PHLPP2: variants seen among roughly 807,000 people sequenced by gnomAD.
PHLPP2 encodes PH domain leucine-rich repeat-containing protein phosphatase 2.
A neutral mutation model predicts 124.9 loss-of-function variants in PHLPP2; 66 were observed. The ratio of observed to expected loss-of-function variants is 0.53; its 90% confidence interval spans 0.43 to 0.65. The LOEUF is 0.65. Among genes scored for constraint, PHLPP2 ranks in the 30% least tolerant of loss-of-function variants. The pLI is 0.00. For missense variants in PHLPP2, 1,685 were observed against 1,600.4 expected (o/e 1.05, Z -0.90); for synonymous variants, 681 against 624.7 (o/e 1.09, Z -1.34).
At chr16:71,667,632 T>G (rs2145322627) in intron 11 of PHLPP2, among the ~76,000 whole-genome samples, 1 of 152,368 alleles carries the variant, frequency 6.6e-6, no homozygotes, top group Non-Finnish European at 1.5e-5. Context: ...ATTTTAAGTC[T>G]AAGCAGCACC....
intron 1 of PHLPP2, among the ~76,000 whole-genome samples, chr16:71,717,881 G>C (rs948915330): frequency 8.5e-5 from 13 of 152,106 alleles, no homozygotes; most frequent in African/African-American, 3.1e-4. Flanking sequence ...GAAAAGTCAA[G>C]GAAGACTCCA....
chr16:71,665,624 T>C (rs941877279), intron 12 of PHLPP2, among the ~76,000 whole-genome samples: 1 of 152,222 alleles, frequency 6.6e-6, no homozygotes, highest in East Asian at 1.9e-4. Flanking sequence ...AGGTACTGTG[T>C]GTCTGCTTGT....
intron 2 of PHLPP2, 67 bp from the exon 3 acceptor site, chr16:71,702,798 A>G: frequency 1.6e-6 from 1 of 641,274 alleles, no homozygotes. Flanking sequence ...TTAATTTTTT[A>G]GTATTTTTAT....
At chr16:71,703,964 A>C (rs1293909507) in intron 2 of PHLPP2, among the ~76,000 whole-genome samples, 1 of 152,202 alleles carries the variant, frequency 6.6e-6, no homozygotes, top group African/African-American at 2.4e-5. Flanking sequence ...CAAGCACAGG[A>C]AAGTCCGTAT....
rs77731680 is a variant in PHLPP2, at chr16:71,683,649, C to T, written c.735+827G>A. On this transcript the variant is annotated intron_variant, in intron 5 of 18. Coordinates refer to ENST00000568954, the MANE Select transcript of PHLPP2 (RefSeq NM_015020.3). ...ATGCACCTGCAAACATTTTTGACAGCATTTTGTACTATGCACATATAAATA... is the reference window on the plus strand; with the variant it reads ...ATGCACCTGCAAACATTTTTGACAGTATTTTGTACTATGCACATATAAATA... Among the ~76,000 whole-genome samples the T allele has an allele frequency of 4.3e-3, 653 of 152,242 alleles. 10 individuals are homozygous for T. The highest frequency in any genetic ancestry group is 0.015 in the African/African-American group (633 of 41,538).
At chr16:71,706,625 T>A (rs2045276181) in intron 2 of PHLPP2, among the ~76,000 whole-genome samples, 1 of 152,142 alleles carries the variant, frequency 6.6e-6, no homozygotes, top group Non-Finnish European at 1.5e-5. Context: ...TCAACAAATG[T>A]TTATTTCATA....
At position 71,714,720 on chromosome 16, in the gene PHLPP2, C is replaced by A; in HGVS notation, c.76G>T (p.Glu26Ter). 1 of 1,614,194 alleles carries A rather than the reference C, an allele frequency of 6.2e-7. No individual in the cohort carries two copies. The highest frequency in any genetic ancestry group is 8.5e-7 in the Non-Finnish European group (1 of 1,180,018). ...FGSRERDWLR[E>*]DVKRGCVYLY... ...TAAACACAGCCTCTCTTTACATCTTCTCTTAGCCAGTCTCTTTCTCGAGAA... is the reference window on the plus strand; with the variant it reads ...TAAACACAGCCTCTCTTTACATCTTATCTTAGCCAGTCTCTTTCTCGAGAA... Residue 26 changes from glutamate to a stop codon, truncating the protein, a stop_gained, in exon 2 of 19, where the codon GAA (glutamate) becomes TAA (stop). Transcript: ENST00000568954. LOFTEE classifies it high-confidence loss of function.
At position 71,648,083 on chromosome 16, in the gene PHLPP2, A is replaced by G. The variant is rs1401069742; in HGVS notation, c.*807T>C. On this transcript the variant is annotated 3_prime_UTR_variant, in exon 19 of 19. Transcript: ENST00000568954. ...TACATTTCCAACAGACATCATTTTG[A>G]TAGGCTGTATTCTCGTAGAGAAGAA... The G allele has an allele frequency of 6.5e-6, 1 of 152,702 alleles. No individual in the cohort carries two copies. Among genetic ancestry groups the G allele is most frequent in the Non-Finnish European group, 1.5e-5 (1 of 68,056 alleles). The allele number at this position is 152,702 out of a possible 1,614,324, so 9.5% of individuals were successfully genotyped here. A position where few individuals can be genotyped will look rare whatever the true frequency, so the allele number is the denominator to read the frequency against.
chr16:71,695,280 T>C, intron 3 of PHLPP2, among the ~76,000 whole-genome samples: 1 of 152,088 alleles, frequency 6.6e-6, no homozygotes, highest in East Asian at 1.9e-4. Flanking sequence ...GGAATACAGG[T>C]GCATAAAGAG....
chr16:71,656,033 G>A (rs1265006624), intron 16 of PHLPP2, among the ~76,000 whole-genome samples: 1 of 152,138 alleles, frequency 6.6e-6, no homozygotes, highest in Non-Finnish European at 1.5e-5. Flanking sequence ...CTTTGTCAAG[G>A]CCTATCAGTC....
At chr16:71,663,340 C>T (rs890233588) in intron 13 of PHLPP2, among the ~76,000 whole-genome samples, 2 of 152,154 alleles carry the variant, frequency 1.3e-5, no homozygotes, top group African/African-American at 4.8e-5. Flanking sequence ...CTCGAACTCA[C>T]GAACTTGTGA....
chr16:71,692,411 ATTAGGTATCACTTTGCCTATTTAAC>A (rs1469507809), intron 3 of PHLPP2, among the ~76,000 whole-genome samples: 6 of 152,040 alleles, frequency 3.9e-5, no homozygotes, highest in East Asian at 1.9e-4. Flanking sequence ...GCCTATTTAA[ATTAGGTATCACTTTGCCTATTTAAC>A]TTAGGTATCA....
In PHLPP2 at chr16:71,655,398, T is replaced by C; in HGVS notation, c.2427A>G (p.Ala809=). 1.2e-6 allele frequency: 2 copies of C among 1,613,972 alleles called. No homozygotes were observed. Among genetic ancestry groups the C allele is most frequent in the Non-Finnish European group, 1.7e-6 (2 of 1,179,970 alleles). ...TGCCATACACAGCTCCCACCCCCTC[T>C]GCAAAGCTATCCATAGCAAGTGCTG... ...CVSALAMDSF[A]EGVGAVYGMF... The change falls in exon 17 of 19, where the codon GCA becomes GCG. Residue 809 remains alanine (A), a synonymous_variant. Coordinates refer to ENST00000568954, the MANE Select transcript of PHLPP2 (RefSeq NM_015020.3).
At chr16:71,693,185 G>A (rs2045132838) in intron 3 of PHLPP2, among the ~76,000 whole-genome samples, 1 of 152,196 alleles carries the variant, frequency 6.6e-6, no homozygotes, top group South Asian at 2.1e-4. Flanking sequence ...TACTCAGGAG[G>A]CTGAGGCAGG....
intron 2 of PHLPP2, among the ~76,000 whole-genome samples, chr16:71,713,301 C>T (rs1004785348): frequency 2.0e-5 from 3 of 152,020 alleles, no homozygotes; most frequent in Non-Finnish European, 4.4e-5. Flanking sequence ...TGTGTATGTG[C>T]CTCTATTTAT....
intron 3 of PHLPP2, among the ~76,000 whole-genome samples, chr16:71,692,150 A>G (rs2045120087): frequency 6.6e-6 from 1 of 151,662 alleles, no homozygotes; most frequent in Non-Finnish European, 1.5e-5. Context: ...GCTCACTGCG[A>G]GCCCCGCCTC....
At chr16:71,663,657 T>C (rs1361218561) in intron 13 of PHLPP2, among the ~76,000 whole-genome samples, 1 of 152,250 alleles carries the variant, frequency 6.6e-6, no homozygotes, top group East Asian at 1.9e-4. Flanking sequence ...GATTGACTAT[T>C]AGACCATAAT....
At position 71,650,023 on chromosome 16, in the gene PHLPP2, T is replaced by C; in HGVS notation, c.2839A>G (p.Thr947Ala). ...CAGCCCAGCATCCGGGTACAGCAGG[T>C]TACCCCATTCACTTTGTTGTCCTAC... ...ITEDNKVNGV[T>A]CCTRMLGCTY... is the part of the protein sequence containing the mutation. Residue 947 changes from threonine to alanine, a missense_variant, in exon 19 of 19, where the codon ACC (threonine) becomes GCC (alanine). Thr to Ala is a moderately conservative substitution (Grantham distance 58, BLOSUM62 0). Transcript: ENST00000568954. 2 of 1,608,040 alleles carry C rather than the reference T, an allele frequency of 1.2e-6. No individual in the cohort carries two copies. The highest frequency in any genetic ancestry group is 1.7e-6 in the Non-Finnish European group (2 of 1,179,072).
At chr16:71,662,703 T>C (rs2044802520) in intron 13 of PHLPP2, among the ~76,000 whole-genome samples, 1 of 152,198 alleles carries the variant, frequency 6.6e-6, no homozygotes. Flanking sequence ...ACTACCTTCA[T>C]GGCATAGATT....
Sources: allele counts gnomAD v4.1 joint callset (sites outside exome capture counted in the v4.1 genomes callset), GRCh38; gene constraint gnomAD v4.1.1; transcripts MANE v1.5; gene names NCBI Gene and HGNC (gene_info 2026-07-23, HGNC 2026-07-21).